The following MCPH1 variants were observed in gnomAD, a reference collection of about 807,000 sequenced individuals.
The protein encoded by MCPH1 is microcephalin.
In MCPH1, 104 loss-of-function variants were observed where a neutral mutation model predicts 84.5. The ratio of observed to expected loss-of-function variants is 1.23; its 90% CI spans 1.05 to 1.45. The LOEUF (loss-of-function observed/expected upper bound fraction) is 1.45. MCPH1 is among the 40% of genes most tolerant of loss of function. MCPH1 has a pLI of 0.00. For missense variants in MCPH1, 1,498 were observed against 1,005.7 expected (o/e 1.49, Z -6.62); for synonymous variants, 514 against 366.8 (o/e 1.40, Z -4.58).
intron 12 of MCPH1, chr8:6,616,224 CAGTT>C (rs1563194092): frequency 6.6e-6 from 1 of 152,116 alleles, no homozygotes; most frequent in Admixed American, 6.5e-5. Flanking sequence ...CATCTTAAGA[CAGTT>C]AGCAGGCCAA....
At chr8:6,452,594 A>G (rs143084946) in intron 8 of MCPH1, among the ~76,000 whole-genome samples, 1 of 152,306 alleles carries the variant, frequency 6.6e-6, no homozygotes, top group African/African-American at 2.4e-5. Flanking sequence ...TAACATTTGG[A>G]TAGGGTGATC....
intron 12 of MCPH1, among the ~76,000 whole-genome samples, chr8:6,538,314 C>A (rs1310861212): frequency 6.6e-6 from 1 of 152,220 alleles, no homozygotes; most frequent in Non-Finnish European, 1.5e-5. Flanking sequence ...ATGATCCCAT[C>A]TTCCCGCCCA....
At chr8:6,423,391 T>G (rs866936571) in intron 3 of MCPH1, among the ~76,000 whole-genome samples, 50 of 149,672 alleles carry the variant, frequency 3.3e-4, no homozygotes, top group African/African-American at 1.2e-3. Flanking sequence ...GGTCTCCATC[T>G]CCTGATCTTG....
At chr8:6,521,821 C>A (rs936199851) in intron 12 of MCPH1, among the ~76,000 whole-genome samples, 1 of 152,170 alleles carries the variant, frequency 6.6e-6, no homozygotes, top group Admixed American at 6.5e-5. Flanking sequence ...AGGATATTAG[C>A]TTTCTCCTAA....
At chr8:6,537,628 G>A (rs17077451) in intron 12 of MCPH1, among the ~76,000 whole-genome samples, 5,479 of 151,636 alleles carry the variant, frequency 0.036, 347 homozygotes, top group African/African-American at 0.12. Flanking sequence ...CTCCCACAAC[G>A]TTTTGAATGA....
intron 11 of MCPH1, among the ~76,000 whole-genome samples, chr8:6,486,812 G>A (rs572900147): frequency 1.3e-5 from 2 of 152,198 alleles, no homozygotes; most frequent in Non-Finnish European, 2.9e-5. Context: ...TTTGACCAAA[G>A]TGTCCCTTTA....
At chr8:6,416,925 C>G (rs531005305) in intron 3 of MCPH1, among the ~76,000 whole-genome samples, 1 of 151,428 alleles carries the variant, frequency 6.6e-6, no homozygotes, top group Non-Finnish European at 1.5e-5. Flanking sequence ...ACCTGGGAGA[C>G]GGAGGTTGCA....
At chr8:6,452,377 G>C (rs769581631) in intron 8 of MCPH1, among the ~76,000 whole-genome samples, 5 of 152,200 alleles carry the variant, frequency 3.3e-5, no homozygotes, top group Admixed American at 6.5e-5. Flanking sequence ...TGAAATTTCA[G>C]ATAACTGAAA....
chr8:6,556,030 C>T (rs1316924814), intron 12 of MCPH1, among the ~76,000 whole-genome samples: 1 of 152,170 alleles, frequency 6.6e-6, no homozygotes, highest in African/African-American at 2.4e-5. Flanking sequence ...TATCTCAGGC[C>T]TGATGCTGGC....
chr8:6,626,383 TC>T, intron 13 of MCPH1: 1 of 985,180 alleles, frequency 1.0e-6, no homozygotes, highest in Non-Finnish European at 1.2e-6. Flanking sequence ...GAGTCTTTTT[TC>T]CCTGAAACTG....
intron 8 of MCPH1, among the ~76,000 whole-genome samples, chr8:6,453,230 G>C (rs1276901038): frequency 6.6e-6 from 1 of 152,206 alleles, no homozygotes; most frequent in Non-Finnish European, 1.5e-5. Flanking sequence ...GTTTTCAGAA[G>C]TACTTTGCAC....
At chr8:6,470,872 C>T (rs2440397) in intron 9 of MCPH1, among the ~76,000 whole-genome samples, 1 of 152,248 alleles carries the variant, frequency 6.6e-6, no homozygotes, top group Admixed American at 6.5e-5. Context: ...AGTAGTGTTG[C>T]TGCTGTAAGA....
At chr8:6,420,226 C>A (rs1287793374) in intron 3 of MCPH1, among the ~76,000 whole-genome samples, 1 of 152,104 alleles carries the variant, frequency 6.6e-6, no homozygotes, top group Non-Finnish European at 1.5e-5. Context: ...CCCATTCAGA[C>A]CCCTTCCCTG....
chr8:6,580,397 C>G (rs1159160870), intron 12 of MCPH1, among the ~76,000 whole-genome samples: 2 of 152,148 alleles, frequency 1.3e-5, no homozygotes, highest in Non-Finnish European at 2.9e-5. Context: ...TGGTTCATGC[C>G]TGTAATCCCA....
In MCPH1 at chr8:6,502,923, G is replaced by T. The variant is rs949294761; in HGVS notation, c.2214+2994G>T. 29 of 665,608 alleles carry T rather than the reference G, an allele frequency of 4.4e-5. No homozygotes were observed. The Middle Eastern group carries it at 1.2e-3, about 29-fold the overall frequency. The allele number at this position is 665,608 out of a possible 1,614,324, so 41.2% of individuals were successfully genotyped here. A position where few individuals can be genotyped will look rare whatever the true frequency, so the allele number is the denominator to read the frequency against. The stretch of plus-strand genomic sequence containing the variant: ...AGGGTCTTGCTTTGGTCCGTTAAGT[G>T]ATGCAAGTTTAAGTGATAAAGTTTA... On this transcript the variant is annotated intron_variant, in intron 12 of 13. Transcript: ENST00000344683.
chr8:6,580,582 C>T (rs1827486004), intron 12 of MCPH1, among the ~76,000 whole-genome samples: 1 of 152,174 alleles, frequency 6.6e-6, no homozygotes, highest in Admixed American at 6.5e-5. Flanking sequence ...AACCGGGAGG[C>T]AGACGTTGCA....
chr8:6,592,614 C>CT (rs1252024553), intron 12 of MCPH1, among the ~76,000 whole-genome samples: 4,701 of 63,788 alleles, frequency 0.074, 270 homozygotes, highest in Non-Finnish European at 0.11. Context: ...GTTTTTCTTT[C>CT]TTTTTTTTGT....
Position 6,416,981 on chromosome 8 carries a change from C to CG in MCPH1, c.233+2102dup, listed in dbSNP as rs145395581. Among the ~76,000 whole-genome samples, 403 of 148,196 alleles carry CG rather than the reference C, an allele frequency of 2.7e-3. 3 individuals carry two copies. The highest frequency in any genetic ancestry group is 8.5e-3 in the African/African-American group (342 of 40,226). ...TGCACTTTAGCCTGGGCGACAAGAG[C>CG]GGGGAAAAAAAAAAAAGAGTAAGGG... On this transcript the variant is annotated intron_variant, in intron 3 of 13. Transcript: ENST00000344683.
At position 6,648,091 on chromosome 8, in the gene MCPH1, A is replaced by G. The variant is rs1364538377; in HGVS notation, c.*5042A>G. 6.6e-6 allele frequency: 1 copy of G among 152,158 alleles called. No individual in the cohort carries two copies. The highest frequency in any genetic ancestry group is 1.9e-4 in the East Asian group (1 of 5,192). The allele number at this position is 152,158 out of a possible 1,614,324, so 9.4% of individuals were successfully genotyped here. A position where few individuals can be genotyped will look rare whatever the true frequency, so the allele number is the denominator to read the frequency against. On this transcript the variant is annotated 3_prime_UTR_variant, in exon 14 of 14. Coordinates refer to ENST00000344683, the MANE Select transcript of MCPH1 (RefSeq NM_024596.5). Reference sequence around the variant, plus strand: ...CATTTAAGGTCGGCCTTGGCTTTCAAGTTAAGGCCATGGTCTTTCTCTGCA... The same window carrying G: ...CATTTAAGGTCGGCCTTGGCTTTCAGGTTAAGGCCATGGTCTTTCTCTGCA...
Sources: allele counts gnomAD v4.1 joint callset (sites outside exome capture counted in the v4.1 genomes callset), GRCh38; gene constraint gnomAD v4.1.1; transcripts MANE v1.5; gene names NCBI Gene and HGNC (gene_info 2026-07-23, HGNC 2026-07-21).